The following ITPR2 variants were observed in gnomAD, a reference collection of about 807,000 sequenced individuals.
The protein encoded by ITPR2 is inositol 1,4,5-trisphosphate-gated calcium channel ITPR2.
Under a neutral mutation model 317.1 loss-of-function variants are expected in ITPR2, and 207 were observed. The observed-to-expected ratio is 0.65, with a 90% CI of 0.58 to 0.73. The LOEUF (loss-of-function observed/expected upper bound fraction) is 0.73, where lower values mean the gene tolerates loss of function less well. ITPR2 is among the 30% of genes least tolerant of loss of function. The probability of loss-of-function intolerance (pLI) is 0.00; values close to 1 mark genes in which losing one functional copy is unlikely to be tolerated. For missense variants in ITPR2, 2,613 were observed against 3,284.0 expected, an observed-to-expected ratio of 0.80 and a Z score of 4.99; for synonymous variants, 1,156 against 1,149.1, an observed-to-expected ratio of 1.01 and a Z score of -0.12.
At chr12:26,362,541 T>C (rs1363634008) in intron 55 of ITPR2, among the ~76,000 whole-genome samples, 1 of 152,216 alleles carries the variant, frequency 6.6e-6, no homozygotes, top group South Asian at 2.1e-4. Flanking sequence ...TCCTCACTGC[T>C]ACTTTCAGTT....
At chr12:26,679,799 C>T (rs985068502) in intron 13 of ITPR2, among the ~76,000 whole-genome samples, 33 of 151,964 alleles carry the variant, frequency 2.2e-4, no homozygotes, top group Non-Finnish European at 4.0e-4. Context: ...TTATACACAA[C>T]GGGATCAACC....
chr12:26,771,869 T>C (rs982259403), intron 2 of ITPR2, among the ~76,000 whole-genome samples: 2 of 152,116 alleles, frequency 1.3e-5, no homozygotes, highest in Non-Finnish European at 2.9e-5. Flanking sequence ...TTATCTAATA[T>C]ATGGGGACAA....
intron 55 of ITPR2, among the ~76,000 whole-genome samples, chr12:26,379,058 C>T (rs1460059401): frequency 6.6e-6 from 1 of 152,214 alleles, no homozygotes; most frequent in Non-Finnish European, 1.5e-5. Flanking sequence ...TAGCTTTACA[C>T]ATTGTATGGG....
chr12:26,759,029 C>A (rs1237051219), intron 2 of ITPR2, among the ~76,000 whole-genome samples: 1 of 152,114 alleles, frequency 6.6e-6, no homozygotes, highest in Non-Finnish European at 1.5e-5. Context: ...AGAAACAGTA[C>A]CCATATTGCC....
At chr12:26,607,613 G>C (rs1163337660) in intron 26 of ITPR2, among the ~76,000 whole-genome samples, 2 of 152,148 alleles carry the variant, frequency 1.3e-5, no homozygotes, top group Admixed American at 6.5e-5. Flanking sequence ...CTGCTTGAAG[G>C]CTTGATTCAA....
chr12:26,442,734 T>C (rs1941514864), intron 46 of ITPR2, among the ~76,000 whole-genome samples: 1 of 152,098 alleles, frequency 6.6e-6, no homozygotes, highest in African/African-American at 2.4e-5. Context: ...GACACAAAGG[T>C]TTGACAATAG....
At position 26,428,063 on chromosome 12, in the gene ITPR2, A is replaced by C. The variant is rs777982610; in HGVS notation, c.6795T>G (p.Val2265=). Residue 2265 remains valine (V), a synonymous_variant, in exon 49 of 57, where the codon GTT becomes GTG. Transcript: ENST00000381340. ...DEGTLSPLFS[V]LLWIAVAICT... is the part of the protein sequence containing the mutation. Reference sequence around the variant, plus strand: ...AGATCGCAACTGCTATCCAAAGAAGAACCGAGAACAATGGAGAAAGTGTAC... The same window carrying C: ...AGATCGCAACTGCTATCCAAAGAAGCACCGAGAACAATGGAGAAAGTGTAC... 2 of 1,605,530 alleles carry C rather than the reference A, an allele frequency of 1.2e-6. No individual in the cohort carries two copies. The highest frequency in any genetic ancestry group is 2.2e-5 in the South Asian group (2 of 89,256).
chr12:26,463,731 A>T (rs564118852), intron 45 of ITPR2, among the ~76,000 whole-genome samples: 2 of 152,264 alleles, frequency 1.3e-5, no homozygotes, highest in East Asian at 3.9e-4. Context: ...TCTAAGGAAC[A>T]GTTTAGCAGA....
chr12:26,617,041 T>C (rs896855658), intron 26 of ITPR2, among the ~76,000 whole-genome samples: 1 of 152,234 alleles, frequency 6.6e-6, no homozygotes, highest in Non-Finnish European at 1.5e-5. Context: ...TCAGTAAGGC[T>C]TCCAGTCAAC....
intron 37 of ITPR2, among the ~76,000 whole-genome samples, chr12:26,547,181 C>T (rs1199078200): frequency 6.6e-6 from 1 of 152,056 alleles, no homozygotes; most frequent in African/African-American, 2.4e-5. Context: ...CCAAAATATA[C>T]AAGAAACTCA....
intron 34 of ITPR2, among the ~76,000 whole-genome samples, chr12:26,573,286 T>C (rs1945206231): frequency 1.3e-5 from 2 of 152,238 alleles, no homozygotes; most frequent in East Asian, 1.9e-4. Flanking sequence ...TACTTATTAA[T>C]TGGACAAGTT....
chr12:26,367,284 C>T (rs551392619), intron 55 of ITPR2, among the ~76,000 whole-genome samples: 1 of 152,260 alleles, frequency 6.6e-6, no homozygotes, highest in African/African-American at 2.4e-5. Context: ...TACATTTTAA[C>T]TATATTTCAA....
intron 45 of ITPR2, among the ~76,000 whole-genome samples, chr12:26,474,314 TA>T (rs1200880335): frequency 6.6e-6 from 1 of 152,186 alleles, no homozygotes; most frequent in Non-Finnish European, 1.5e-5. Flanking sequence ...CTTCATTTTG[TA>T]AAAACAAAGG....
intron 37 of ITPR2, among the ~76,000 whole-genome samples, chr12:26,496,652 T>G (rs1942936751): frequency 6.6e-6 from 1 of 152,142 alleles, no homozygotes; most frequent in Non-Finnish European, 1.5e-5. Context: ...TCCCCTTAAT[T>G]TTAATTTCTT....
chr12:26,565,539 C>CAGACAGAT (rs1944934696), intron 34 of ITPR2, among the ~76,000 whole-genome samples: 1 of 151,230 alleles, frequency 6.6e-6, no homozygotes, highest in Non-Finnish European at 1.5e-5. Context: ...GACAGACAGA[C>CAGACAGAT]AGATAGATAG....
chr12:26,826,228 A>G (rs1951007897), intron 1 of ITPR2, among the ~76,000 whole-genome samples: 1 of 151,400 alleles, frequency 6.6e-6, no homozygotes, highest in Non-Finnish European at 1.5e-5. Flanking sequence ...GTCAAGCCTC[A>G]AGAAAAAAAA....
intron 55 of ITPR2, among the ~76,000 whole-genome samples, chr12:26,347,544 G>C (rs1938347480): frequency 6.6e-6 from 1 of 152,190 alleles, no homozygotes; most frequent in Admixed American, 6.5e-5. Context: ...TCATATAGGT[G>C]GTGTTAGTGG....
chr12:26,689,806 G>A (rs572443555), intron 10 of ITPR2, among the ~76,000 whole-genome samples: 2 of 152,274 alleles, frequency 1.3e-5, no homozygotes, highest in South Asian at 4.1e-4. Flanking sequence ...AGAGGACAAT[G>A]ATTATGAAGA....
rs200340714 is a variant in ITPR2, at chr12:26,561,750, G to T, written c.4821+12C>A. ...TTAGAAAATATTAATGCTATTTCAC[G>T]CTTTCATGTACCTGTAACTTTTCAA... On this transcript the variant is annotated intron_variant, in intron 35 of 56. Transcript: ENST00000381340. The T allele has an allele frequency of 2.0e-6, 3 of 1,532,058 alleles. No individual in the cohort carries two copies. Among genetic ancestry groups the T allele is most frequent in the South Asian group, 2.6e-5 (2 of 75,502 alleles). 94.9% of individuals were successfully genotyped at this position (1,532,058 alleles called of 1,614,324 possible).
Sources: allele counts gnomAD v4.1 joint callset (sites outside exome capture counted in the v4.1 genomes callset), GRCh38; gene constraint gnomAD v4.1.1; transcripts MANE v1.5; gene names NCBI Gene and HGNC (gene_info 2026-07-23, HGNC 2026-07-21).